ZFYVE16: variants seen among roughly 807,000 people sequenced by gnomAD.
The protein encoded by ZFYVE16 is zinc finger FYVE-type containing 16.
ZFYVE16 carries 89 observed loss-of-function variants against 138.1 expected under a neutral mutation model. The ratio of observed to expected loss-of-function variants is 0.64; its 90% CI spans 0.54 to 0.77. The LOEUF (loss-of-function observed/expected upper bound fraction) is 0.77. Ranked by LOEUF, ZFYVE16 falls within the 30% of genes least tolerant of loss-of-function variation. ZFYVE16 has a pLI of 0.00. For synonymous variants in ZFYVE16, 596 were observed against 618.3 expected (o/e 0.96, Z 0.53); for missense variants, 1,793 against 1,786.7 (o/e 1.00, Z -0.06).
At chr5:80,467,387 A>C (rs1019930097) in intron 15 of ZFYVE16, among the ~76,000 whole-genome samples, 11 of 152,226 alleles carry the variant, frequency 7.2e-5, no homozygotes, top group Non-Finnish European at 1.3e-4. Context: ...AGTGATAGCC[A>C]AGATAGAGGT....
At chr5:80,413,829 G>A (rs1745819175) in intron 1 of ZFYVE16, among the ~76,000 whole-genome samples, 1 of 152,068 alleles carries the variant, frequency 6.6e-6, no homozygotes, top group Admixed American at 6.6e-5. Context: ...GATATATGGC[G>A]ATATCCCCTC....
chr5:80,416,629 T>C (rs946420095), intron 1 of ZFYVE16, among the ~76,000 whole-genome samples: 2 of 151,854 alleles, frequency 1.3e-5, no homozygotes, highest in Non-Finnish European at 2.9e-5. Context: ...CTTTGGCCTT[T>C]GGGAGTTCTT....
At chr5:80,429,634 C>G (rs1485974204) in intron 2 of ZFYVE16, among the ~76,000 whole-genome samples, 1 of 152,114 alleles carries the variant, frequency 6.6e-6, no homozygotes, top group African/African-American at 2.4e-5. Flanking sequence ...GCTAAATGCT[C>G]CAGTTAAAAG....
rs1751880492 is a variant in ZFYVE16 at position 80,450,576 on chromosome 5, T to A, written c.3372T>A (p.Asp1124Glu). Residue 1124 changes from aspartate (D) to glutamate (E), a missense_variant, in exon 10 of 19, where the codon GAT becomes GAA. This residue lies in a region of ZFYVE16 where 498 missense variants were observed against 582.4 expected (regional missense o/e 0.86). Coordinates refer to ENST00000505560, the MANE Select transcript of ZFYVE16 (RefSeq NM_001284236.3). ...GACTATTTATCACCATATATAAGGATGCTCTAAAAGGTATGGCATTTTATT... is the reference window on the plus strand; with the variant it reads ...GACTATTTATCACCATATATAAGGAAGCTCTAAAAGGTATGGCATTTTATT... ...IFRLFITIYK[D>E]ALKGKYIENL... 2 of 1,613,248 alleles carry A rather than the reference T, an allele frequency of 1.2e-6. No individual in the cohort carries two copies. Among genetic ancestry groups the A allele is most frequent in the South Asian group, 1.1e-5 (1 of 90,998 alleles).
rs180761632 is a variant in ZFYVE16 at position 80,480,730 on chromosome 5, G to C, written c.*3353G>C. Among the ~76,000 whole-genome samples the C allele has an allele frequency of 5.5e-4, 84 of 152,096 alleles. 1 individual carries two copies. Among genetic ancestry groups the C allele is most frequent in the African/African-American group, 2.0e-3 (81 of 41,500 alleles). On this transcript the variant is annotated 3_prime_UTR_variant, in exon 19 of 19. Transcript: ENST00000505560. ...CTCGAGCTCAGGTTGAGACCAGAGT[G>C]AGCAACACAGGGAGACACTGTCTCT...
At chr5:80,456,361 C>G in intron 12 of ZFYVE16, 100 bp from the exon 13 acceptor site, 1 of 914,284 alleles carries the variant, frequency 1.1e-6, no homozygotes, top group South Asian at 1.7e-5. Context: ...GAATGATATT[C>G]TTTATTACTG....
intron 1 of ZFYVE16, among the ~76,000 whole-genome samples, chr5:80,417,222 C>G (rs930277341): frequency 1.3e-5 from 2 of 152,206 alleles, no homozygotes; most frequent in African/African-American, 4.8e-5. Context: ...CCTGTCTTTT[C>G]TTTCTTTAGT....
At chr5:80,442,213 C>T (rs144720074) in intron 5 of ZFYVE16, among the ~76,000 whole-genome samples, 1 of 152,152 alleles carries the variant, frequency 6.6e-6, no homozygotes, top group African/African-American at 2.4e-5. Context: ...AAGCAGTCCT[C>T]CCACCTCAGC....
intron 2 of ZFYVE16, among the ~76,000 whole-genome samples, chr5:80,431,586 A>G (rs1749032943): frequency 1.3e-5 from 2 of 152,214 alleles, no homozygotes; most frequent in Admixed American, 6.5e-5. Context: ...AGTTCTGGCC[A>G]GGGCACTCAG....
chr5:80,472,971 A>C, intron 16 of ZFYVE16, 48 bp downstream of exon 16: 1 of 1,470,914 alleles, frequency 6.8e-7, no homozygotes, highest in Non-Finnish European at 9.1e-7. Flanking sequence ...AGGAAAGTGC[A>C]GGATTAAAAT....
At chr5:80,457,546 C>T (rs1384366453) in intron 14 of ZFYVE16, among the ~76,000 whole-genome samples, 1 of 152,088 alleles carries the variant, frequency 6.6e-6, no homozygotes, top group Non-Finnish European at 1.5e-5. Flanking sequence ...GCTATGATTA[C>T]CAAACCCTTG....
At chr5:80,419,818 TTTTA>T (rs1442857345) in intron 1 of ZFYVE16, among the ~76,000 whole-genome samples, 1 of 151,850 alleles carries the variant, frequency 6.6e-6, no homozygotes, top group Non-Finnish European at 1.5e-5. Flanking sequence ...TTTTGTTTTG[TTTTA>T]TTTTTTTGAG....
chr5:80,440,670 G>GTGTGTGTGTA, intron 5 of ZFYVE16: 1 of 976,508 alleles, frequency 1.0e-6, no homozygotes, highest in Non-Finnish European at 1.2e-6. Context: ...GTGTGTGTGT[G>GTGTGTGTGTA]TGTGTGTGTG....
intron 2 of ZFYVE16, among the ~76,000 whole-genome samples, chr5:80,428,302 A>G (rs1469469876): frequency 6.6e-6 from 1 of 152,168 alleles, no homozygotes; most frequent in East Asian, 1.9e-4. Context: ...GTTCAGCAAC[A>G]TTCACTGTTC....
intron 15 of ZFYVE16, among the ~76,000 whole-genome samples, chr5:80,465,695 C>G (rs542021415): frequency 1.4e-3 from 211 of 150,422 alleles, no homozygotes; most frequent in Middle Eastern, 6.8e-3. Context: ...AGGCATGAGC[C>G]ACTGTGCCTG....
At chr5:80,429,659 A>G (rs924463324) in intron 2 of ZFYVE16, among the ~76,000 whole-genome samples, 1 of 152,234 alleles carries the variant, frequency 6.6e-6, no homozygotes, top group Non-Finnish European at 1.5e-5. Context: ...AGACTGGCAA[A>G]TTGGATAAAG....
intron 7 of ZFYVE16, 152 bp from the exon 8 acceptor site, chr5:80,447,874 C>T: frequency 1.6e-6 from 1 of 628,584 alleles, no homozygotes; most frequent in Non-Finnish European, 2.5e-6. Context: ...GGTACTGTTT[C>T]TTGGGAAATT....
At chr5:80,442,388 A>C (rs1475267442) in intron 5 of ZFYVE16, among the ~76,000 whole-genome samples, 1 of 152,208 alleles carries the variant, frequency 6.6e-6, no homozygotes, top group Non-Finnish European at 1.5e-5. Context: ...GATTACAAGC[A>C]TGAGCCACCG....
chr5:80,427,750 A>G (rs1415565851), intron 2 of ZFYVE16, among the ~76,000 whole-genome samples: 4 of 150,858 alleles, frequency 2.7e-5, no homozygotes, highest in South Asian at 4.2e-4. Flanking sequence ...TGAGACGGGC[A>G]GAAGACTTGA....
Sources: allele counts gnomAD v4.1 joint callset (sites outside exome capture counted in the v4.1 genomes callset), GRCh38; gene constraint gnomAD v4.1.1; regional missense constraint gnomAD v4.1.1; transcripts MANE v1.5; gene names NCBI Gene and HGNC (gene_info 2026-07-23, HGNC 2026-07-21).